The following CLVS1 variants were observed in gnomAD, a reference collection of about 807,000 sequenced individuals.
CLVS1 encodes the protein clavesin 1.
A neutral mutation model predicts 33.1 loss-of-function variants in CLVS1; 10 were observed. The ratio of observed to expected loss-of-function variants is 0.30; its 90% CI spans 0.19 to 0.51. The LOEUF is 0.51. CLVS1 is among the 20% of genes least tolerant of loss of function. The probability of loss-of-function intolerance (pLI) is 0.97; values close to 1 mark genes in which losing one functional copy is unlikely to be tolerated. For synonymous variants in CLVS1, 163 were observed against 166.1 expected (o/e 0.98, Z 0.14); for missense variants, 343 against 433.4 (o/e 0.79, Z 1.85).
chr8:61,290,445 G>A (rs747671393), intron 1 of CLVS1, among the ~76,000 whole-genome samples: 35 of 152,132 alleles, frequency 2.3e-4, no homozygotes, highest in Non-Finnish European at 4.1e-4. Flanking sequence ...TTTTCCAGCC[G>A]AGTGTCATCA....
At chr8:61,017,402 G>A in the CLVS1 span, among the ~76,000 whole-genome samples, 1 of 152,270 alleles carries the variant, frequency 6.6e-6, no homozygotes, top group Non-Finnish European at 1.5e-5. Context: ...GCCAGACACG[G>A]AGGTGCAAGA....
intron 1 of CLVS1, among the ~76,000 whole-genome samples, chr8:61,083,064 T>C (rs1805053496): frequency 6.6e-6 from 1 of 152,014 alleles, no homozygotes; most frequent in Non-Finnish European, 1.5e-5. Flanking sequence ...AGTCAACCTA[T>C]GTTTCAAGAA....
chr8:61,270,327 C>T (rs527656169), intron 2 of CLVS1, among the ~76,000 whole-genome samples: 7 of 152,212 alleles, frequency 4.6e-5, no homozygotes, highest in East Asian at 1.9e-4. Context: ...TATTGATTTG[C>T]GTATATTGAA....
chr8:61,147,595 T>C (rs1402118891), intron 2 of CLVS1, among the ~76,000 whole-genome samples: 1 of 152,202 alleles, frequency 6.6e-6, no homozygotes, highest in Non-Finnish European at 1.5e-5. Context: ...CCTCTGAAAA[T>C]GTCTCCATAT....
At chr8:61,492,663 G>T (rs1374658917) in intron 5 of CLVS1, among the ~76,000 whole-genome samples, 1 of 152,278 alleles carries the variant, frequency 6.6e-6, no homozygotes, top group African/African-American at 2.4e-5. Flanking sequence ...TCTAAAAATA[G>T]TTTGCTTCAA....
intron 2 of CLVS1, among the ~76,000 whole-genome samples, chr8:61,331,651 CCTCT>C (rs1811597716): frequency 6.6e-6 from 1 of 152,062 alleles, no homozygotes; most frequent in Non-Finnish European, 1.5e-5. Flanking sequence ...CATAACACTT[CCTCT>C]CTAAGTGTAC....
In CLVS1 at chr8:61,232,022, G is replaced by GTTTTTTTTTTT. The variant is rs376185436; in HGVS notation, c.-151-67655_-151-67654insTTTTTTTTTTT. ...GAGAAGGAGCCCTGAGGAAAGTTGT[G>GTTTTTTTTTTT]GTTTTTTTTTTTTTTTTTTTTTTTT... On this transcript the variant is annotated intron_variant, in intron 2 of 2. Transcript: ENST00000522621. Among the ~76,000 whole-genome samples, 19 of 117,072 alleles carry GTTTTTTTTTTT rather than the reference G, an allele frequency of 1.6e-4. 1 individual carries two copies. The highest frequency in any genetic ancestry group is 5.4e-4 in the African/African-American group (12 of 22,346). 76.8% of individuals were successfully genotyped at this position (117,072 alleles called of 152,430 possible).
intron 2 of CLVS1, among the ~76,000 whole-genome samples, chr8:61,307,401 G>T (rs1810667828): frequency 6.6e-6 from 1 of 152,072 alleles, no homozygotes; most frequent in African/African-American, 2.4e-5. Context: ...TTGTAAGAAG[G>T]CCAAGGATCC....
intron 2 of CLVS1, among the ~76,000 whole-genome samples, chr8:61,246,969 C>T (rs1808825237): frequency 6.6e-6 from 1 of 152,124 alleles, no homozygotes; most frequent in Non-Finnish European, 1.5e-5. Context: ...ACCCTCCCCA[C>T]TCAAGCAGAC....
the CLVS1 span, among the ~76,000 whole-genome samples, chr8:61,026,909 C>T: frequency 6.6e-6 from 1 of 152,046 alleles, no homozygotes; most frequent in Non-Finnish European, 1.5e-5. Context: ...GAGCTTTCTG[C>T]TTGTGCACTT....
chr8:61,329,910 A>G (rs1811530314), intron 2 of CLVS1, among the ~76,000 whole-genome samples: 1 of 152,116 alleles, frequency 6.6e-6, no homozygotes, highest in Admixed American at 6.5e-5. Context: ...CTGGGGGACA[A>G]GGGCCCCTTG....
At chr8:60,999,062 C>T in the CLVS1 span, among the ~76,000 whole-genome samples, 471 of 152,122 alleles carry the variant, frequency 3.1e-3, 2 homozygotes, top group African/African-American at 0.011. Context: ...TGTGTGGGAT[C>T]GAGGCGACAG....
At chr8:61,498,387 G>C (rs1804342071) in intron 5 of CLVS1, among the ~76,000 whole-genome samples, 1 of 152,144 alleles carries the variant, frequency 6.6e-6, no homozygotes, top group East Asian at 1.9e-4. Flanking sequence ...GTAGGGTTTG[G>C]GCACCCCAGG....
intron 2 of CLVS1, among the ~76,000 whole-genome samples, chr8:61,253,642 A>T (rs1232825291): frequency 6.6e-6 from 1 of 151,890 alleles, no homozygotes; most frequent in Admixed American, 6.6e-5. Flanking sequence ...TTTTCTCTAA[A>T]CTTCTCTTCT....
At chr8:61,077,353 G>A (rs1161126433) in intron 1 of CLVS1, among the ~76,000 whole-genome samples, 1 of 151,874 alleles carries the variant, frequency 6.6e-6, no homozygotes, top group Non-Finnish European at 1.5e-5. Context: ...TTACAGGCGT[G>A]AGCCACTGCG....
chr8:60,965,445 G>C, the CLVS1 span: 2 of 152,456 alleles, frequency 1.3e-5, no homozygotes, highest in African/African-American at 2.4e-5. Context: ...AAGAGTGTCT[G>C]TGGTGTCTGA....
intron 1 of CLVS1, among the ~76,000 whole-genome samples, chr8:61,108,687 T>C (rs1009611586): frequency 3.9e-5 from 6 of 152,232 alleles, no homozygotes; most frequent in Non-Finnish European, 7.3e-5. Flanking sequence ...CCTGACTTTA[T>C]TGTTTCTTCC....
At chr8:61,220,005 T>G (rs1428933495) in intron 2 of CLVS1, among the ~76,000 whole-genome samples, 5 of 152,218 alleles carry the variant, frequency 3.3e-5, no homozygotes, top group African/African-American at 1.2e-4. Flanking sequence ...GTTTGTTTTT[T>G]TCTTATAAAT....
intron 3 of CLVS1, among the ~76,000 whole-genome samples, chr8:61,398,991 G>A (rs1289684034): frequency 1.3e-5 from 2 of 152,114 alleles, no homozygotes; most frequent in Non-Finnish European, 2.9e-5. Context: ...TTGCTATTGG[G>A]AATAGTGCTG....
Sources: gnomAD v4.1 joint callset for allele counts (sites outside exome capture counted in the v4.1 genomes callset) on GRCh38, gnomAD v4.1.1 for gene constraint, MANE v1.5 for transcripts, NCBI Gene and HGNC (gene_info 2026-07-23, HGNC 2026-07-21) for gene names.